Variants in DGKQ observed in about 807,000 individuals in gnomAD.
The protein encoded by DGKQ is DAG kinase theta.
In DGKQ, 97 loss-of-function variants were observed where a neutral mutation model predicts 104.2. That is an observed-to-expected ratio of 0.93 (90% CI 0.79 to 1.10). The LOEUF is 1.10. DGKQ is among the 50% of genes least tolerant of loss of function. DGKQ has a pLI of 0.00. For missense variants in DGKQ, 1,465 were observed against 1,352.1 expected (o/e 1.08, Z -1.31); for synonymous variants, 736 against 595.2 (o/e 1.24, Z -3.44).
chr4:965,150 A>G, intron 15 of DGKQ, 26 bp downstream of exon 15: 1 of 1,602,120 alleles, frequency 6.2e-7, no homozygotes, highest in Non-Finnish European at 8.5e-7. Flanking sequence ...GGGGTGTGTG[A>G]AGAGCCGGCT....
At position 965,220 on chromosome 4, in the gene DGKQ, C is replaced by G; in HGVS notation, c.1690G>C (p.Val564Leu). Residue 564 changes from valine to leucine, a missense_variant, in exon 15 of 23, where the codon GTG becomes CTG. Physicochemically the swap from Val to Leu is conservative, Grantham distance 32. Transcript: ENST00000273814. ...AGGGCAGTGAGCAGCCGGCCCCGCA[C>G]AGCCATGTCCTTCAGCAGCATGTAC... is the stretch of plus-strand genomic sequence containing the variant. ...RLYMLLKDMA[V>L]RGRLLTALVL... is the part of the protein sequence containing the mutation. 1 of 1,612,706 alleles carries G rather than the reference C, an allele frequency of 6.2e-7. No individual in the cohort carries two copies. Among genetic ancestry groups the G allele is most frequent in the African/African-American group, 1.3e-5 (1 of 75,044 alleles).
At position 963,293 on chromosome 4, in the gene DGKQ, G is replaced by A. The variant is rs1712030532; in HGVS notation, c.1735-3C>T. On this transcript the variant is annotated splice_region_variant and splice_polypyrimidine_tract_variant and intron_variant, in intron 15 of 22. Coordinates refer to ENST00000273814, the MANE Select transcript of DGKQ (RefSeq NM_001347.4). ...CTGTCTGGGGGCAGCTTCGCGTGCT[G>A]ACAGACAGGGGGCTGGGTTAGGATG... 1 of 1,598,538 alleles carries A rather than the reference G, an allele frequency of 6.3e-7. No individual in the cohort carries two copies. Among genetic ancestry groups the A allele is most frequent in the East Asian group, 2.3e-5 (1 of 44,424 alleles).
intron 5 of DGKQ, 127 bp from the exon 6 acceptor site, chr4:968,154 C>T (rs1712586363): frequency 2.5e-6 from 2 of 799,592 alleles, no homozygotes; most frequent in Non-Finnish European, 3.7e-6. Context: ...CTGCCGCCCG[C>T]CCCCGAGCAC....
At chr4:967,416 T>C in intron 8 of DGKQ, 55 bp from the exon 9 acceptor site, 2 of 454,862 alleles carry the variant, frequency 4.4e-6, no homozygotes, top group Admixed American at 1.2e-4. Context: ...CGGGGTTCAG[T>C]GGGGGGCAGG....
intron 16 of DGKQ, 49 bp downstream of exon 16, chr4:963,090 C>G: frequency 6.5e-7 from 1 of 1,547,208 alleles, no homozygotes; most frequent in Non-Finnish European, 8.7e-7. Context: ...CTCCTGGGGC[C>G]CTTCCCGCCC....
At chr4:966,680 G>T in intron 11 of DGKQ, 68 bp downstream of exon 11, 1 of 1,541,776 alleles carries the variant, frequency 6.5e-7, no homozygotes, top group Non-Finnish European at 8.8e-7. Context: ...CTGCAGGAAA[G>T]CCTGGGCAGC....
intron 15 of DGKQ, among the ~76,000 whole-genome samples, chr4:964,493 TCC>T (rs1271400151): frequency 6.7e-6 from 1 of 148,584 alleles, no homozygotes; most frequent in Non-Finnish European, 1.5e-5. Flanking sequence ...AGAACCCCGT[TCC>T]CCCCGGCCCT....
chr4:966,810 G>A lies in DGKQ; in HGVS notation c.1312-8C>T, dbSNP rs914593064. ...GCTCTCGGGACTCTCGGCCTGTTGG[G>A]GTAGAGCTTGGCATCGGGTCTGGGC... On this transcript the variant is annotated splice_polypyrimidine_tract_variant and splice_region_variant and intron_variant, in intron 10 of 22. Coordinates refer to ENST00000273814, the MANE Select transcript of DGKQ (RefSeq NM_001347.4). The A allele has an allele frequency of 3.1e-6, 5 of 1,608,038 alleles. No individual in the cohort carries two copies. Among genetic ancestry groups the A allele is most frequent in the Middle Eastern group, 3.3e-4 (2 of 6,056 alleles).
chr4:967,917 C>T lies in DGKQ; in HGVS notation c.774G>A (p.Lys258=). Residue 258 remains lysine (K), a synonymous_variant, in exon 6 of 23, where the codon AAG becomes AAA. Transcript: ENST00000273814. ...CCTCCACGATGCGGAAGCTCTGCGT[C>T]TTGCTGAAGCCGCCGGGCAGAAGGC... ...CVRLLPGGFS[K]TQSFRIVEAA... 1 of 1,463,116 alleles carries T rather than the reference C, an allele frequency of 6.8e-7. No homozygotes were observed. Among genetic ancestry groups the T allele is most frequent in the East Asian group, 2.6e-5 (1 of 37,900 alleles). The allele number at this position is 1,463,116 out of a possible 1,614,324, so 90.6% of individuals were successfully genotyped here.
chr4:968,035 G>C lies in DGKQ; in HGVS notation c.664-8C>G. 7.0e-7 allele frequency: 1 copy of C among 1,424,046 alleles called. No homozygotes were observed. The highest frequency in any genetic ancestry group is 9.1e-7 in the Non-Finnish European group (1 of 1,098,284). 88.2% of individuals were successfully genotyped at this position (1,424,046 alleles called of 1,614,324 possible). A position where few individuals can be genotyped will look rare whatever the true frequency, so the allele number is the denominator to read the frequency against. On this transcript the variant is annotated splice_region_variant and splice_polypyrimidine_tract_variant and intron_variant, in intron 5 of 22. Coordinates refer to ENST00000273814, the MANE Select transcript of DGKQ (RefSeq NM_001347.4). The stretch of plus-strand genomic sequence containing the variant: ...GGAGCAGAGGGAGTGCGCCTGGGGG[G>C]AGAAGGGCCTGAGCTGGGGGGTTGG...
In DGKQ at chr4:960,616, A is replaced by G; in HGVS notation, c.*4T>C. On this transcript the variant is annotated 3_prime_UTR_variant, in exon 23 of 23. Transcript: ENST00000273814. ...CTCGAGCCCTTGGGCTGCCCCAGCC[A>G]CCCCTACCTAGGATCGCTCTCAGGG... is the stretch of plus-strand genomic sequence containing the variant. 6.2e-7 allele frequency: 1 copy of G among 1,609,134 alleles called. No homozygotes were observed.
At position 973,549 on chromosome 4, in the gene DGKQ, C is replaced by T. The variant is rs992157147; in HGVS notation, c.-67G>A. On this transcript the variant is annotated 5_prime_UTR_variant, in exon 1 of 23. Coordinates refer to ENST00000273814, the MANE Select transcript of DGKQ (RefSeq NM_001347.4). ...GGGTACAGGAGCCGCCGCTCCACGG[C>T]CCGGTACACTGCTTCCGACTGCGCC... 1.0e-5 allele frequency: 10 copies of T among 982,684 alleles called. No individual in the cohort carries two copies. Among genetic ancestry groups the T allele is most frequent in the Middle Eastern group, 5.2e-4 (1 of 1,912 alleles). 60.9% of individuals were successfully genotyped at this position (982,684 alleles called of 1,614,324 possible).
intron 16 of DGKQ, 34 bp from the exon 17 acceptor site, chr4:962,954 G>T (rs907223521): frequency 1.3e-6 from 2 of 1,583,876 alleles, no homozygotes; most frequent in Non-Finnish European, 8.6e-7. Context: ...TCTACCAGCT[G>T]CGGGCGCAGC....
intron 3 of DGKQ, 71 bp from the exon 4 acceptor site, chr4:968,635 T>C: frequency 6.8e-7 from 1 of 1,465,764 alleles, no homozygotes; most frequent in Non-Finnish European, 9.2e-7. Flanking sequence ...TGCTTGGGTC[T>C]GCCCCATCCC....
chr4:972,576 T>G (rs1713018263), intron 1 of DGKQ, among the ~76,000 whole-genome samples: 1 of 150,672 alleles, frequency 6.6e-6, no homozygotes, highest in South Asian at 2.6e-4. Flanking sequence ...GTGGTCCCCC[T>G]GTCCCTCGCT....
At position 966,933 on chromosome 4, in the gene DGKQ, C is replaced by G. The variant is rs914499543; in HGVS notation, c.1311+31G>C. 7.1e-6 allele frequency: 11 copies of G among 1,550,284 alleles called. No homozygotes were observed. In the Admixed American group the frequency reaches 2.1e-4, roughly 30 times the overall value. On this transcript the variant is annotated intron_variant, in intron 10 of 22. Coordinates refer to ENST00000273814, the MANE Select transcript of DGKQ (RefSeq NM_001347.4). Reference sequence around the variant, plus strand: ...GACAGCGACCCCCCACCGAGTCTGGCCGGCATGGGGAGCAGGCACAGGGTA... The same window carrying G: ...GACAGCGACCCCCCACCGAGTCTGGGCGGCATGGGGAGCAGGCACAGGGTA...
intron 2 of DGKQ, among the ~76,000 whole-genome samples, chr4:969,632 T>C (rs1427881444): frequency 3.7e-4 from 55 of 146,800 alleles, no homozygotes; most frequent in African/African-American, 1.2e-3. Context: ...TTTTTTGAGA[T>C]GGAGTCTCGC....
At chr4:965,374 C>T (rs562757321) in intron 14 of DGKQ, 83 bp from the exon 15 acceptor site, 1 of 1,561,328 alleles carries the variant, frequency 6.4e-7, no homozygotes, top group African/African-American at 1.4e-5. Flanking sequence ...AGGACGTTTC[C>T]CCAGCCCAGG....
At position 968,293 on chromosome 4, in the gene DGKQ, A is replaced by ACCACTCG; in HGVS notation, c.645_651dup (p.Cys218ArgfsTer89). ...TTCCCAGCGCCCACCTGGACCCCGCACCACTCGCAGCGCACGCCGGCCAGC... is the reference window on the plus strand; with the variant it reads ...TTCCCAGCGCCCACCTGGACCCCGCACCACTCGCCACTCGCAGCGCACGCCGGCCAGC... On this transcript the variant is annotated frameshift_variant, in exon 5 of 23. Coordinates refer to ENST00000273814, the MANE Select transcript of DGKQ (RefSeq NM_001347.4). LOFTEE classifies it high-confidence loss of function. The ACCACTCG allele has an allele frequency of 1.0e-6, 1 of 983,266 alleles. No individual in the cohort carries two copies. 60.9% of individuals were successfully genotyped at this position (983,266 alleles called of 1,614,324 possible).
Sources: allele counts gnomAD v4.1 joint callset (sites outside exome capture counted in the v4.1 genomes callset), GRCh38; gene constraint gnomAD v4.1.1; transcripts MANE v1.5; gene names NCBI Gene and HGNC (gene_info 2026-07-23, HGNC 2026-07-21).